Variants in AK5 observed in about 807,000 individuals in gnomAD.
The protein encoded by AK5 is adenylate kinase isoenzyme 5.
In AK5, 27 loss-of-function variants were observed where a neutral mutation model predicts 69.5. That is an observed-to-expected ratio of 0.39 (90% CI 0.29 to 0.54). The LOEUF is 0.54. Ranked by LOEUF, AK5 falls within the 20% of genes least tolerant of loss-of-function variation. The pLI, the probability that AK5 is intolerant of heterozygous loss-of-function variation, is 0.71. For synonymous variants in AK5, 260 were observed against 244.4 expected, an observed-to-expected ratio of 1.06 and a Z score of -0.60; for missense variants, 531 against 700.4, an observed-to-expected ratio of 0.76 and a Z score of 2.73.
In AK5 at chr1:77,405,565, G is replaced by A. The variant is rs530528587; in HGVS notation, c.892-5416G>A. ...CTGCAGAGCCAGTACCTAGACCCCAGCAGACCAGACTTACAGAGGTGCTGG... is the reference window on the plus strand; with the variant it reads ...CTGCAGAGCCAGTACCTAGACCCCAACAGACCAGACTTACAGAGGTGCTGG... On this transcript the variant is annotated intron_variant, in intron 6 of 13. Coordinates refer to ENST00000354567, the MANE Select transcript of AK5 (RefSeq NM_174858.3). Among the ~76,000 whole-genome samples, 4 of 152,170 alleles carry A rather than the reference G, an allele frequency of 2.6e-5. 1 individual carries two copies. The highest frequency in any genetic ancestry group is 9.6e-5 in the African/African-American group (4 of 41,464).
intron 6 of AK5, among the ~76,000 whole-genome samples, chr1:77,404,089 G>A (rs538064996): frequency 5.3e-5 from 8 of 152,190 alleles, no homozygotes; most frequent in African/African-American, 1.7e-4. Context: ...TCATGATTTG[G>A]CTCTCTGTTT....
In AK5 at chr1:77,350,326, T is replaced by C. The variant is rs188791560; in HGVS notation, c.891+9758T>C. On this transcript the variant is annotated intron_variant, in intron 6 of 13. Transcript: ENST00000354567. Reference sequence around the variant, plus strand: ...GCAGGAAGGAGTTGGAACCCAGAAATAGGAAAGAAGGTCATGATAAGCAGA... The same window carrying C: ...GCAGGAAGGAGTTGGAACCCAGAAACAGGAAAGAAGGTCATGATAAGCAGA... 2.1e-4 allele frequency among the ~76,000 whole-genome samples: 32 copies of C among 151,902 alleles called. 2 individuals carry two copies. In the East Asian group the frequency reaches 3.9e-3, roughly 18 times the overall value.
At chr1:77,481,238 C>T (rs998157571) in intron 8 of AK5, among the ~76,000 whole-genome samples, 10 of 152,220 alleles carry the variant, frequency 6.6e-5, no homozygotes, top group African/African-American at 2.4e-4. Flanking sequence ...TGGCCATGGG[C>T]CCTTCGCATG....
chr1:77,539,493 T>C (rs1441318855), intron 13 of AK5, among the ~76,000 whole-genome samples: 1 of 152,096 alleles, frequency 6.6e-6, no homozygotes, highest in African/African-American at 2.4e-5. Flanking sequence ...GGCCATCCCC[T>C]ACCCACACAG....
chr1:77,481,790 C>T (rs1233380384), intron 8 of AK5, among the ~76,000 whole-genome samples: 2 of 152,152 alleles, frequency 1.3e-5, no homozygotes, highest in Non-Finnish European at 2.9e-5. Flanking sequence ...CATGCAGTCC[C>T]CTCTCTCGAA....
chr1:77,416,120 C>T (rs937695978), intron 7 of AK5, among the ~76,000 whole-genome samples: 14 of 151,914 alleles, frequency 9.2e-5, no homozygotes, highest in Admixed American at 6.6e-4. Flanking sequence ...GGCTTTACGA[C>T]GGCTGAGTAT....
At chr1:77,360,876 C>G (rs1268211843) in intron 6 of AK5, among the ~76,000 whole-genome samples, 1 of 152,166 alleles carries the variant, frequency 6.6e-6, no homozygotes, top group African/African-American at 2.4e-5. Flanking sequence ...GATAAACTCC[C>G]TGCCTTTTAG....
intron 6 of AK5, among the ~76,000 whole-genome samples, chr1:77,350,290 A>G (rs1443804080): frequency 6.6e-6 from 1 of 152,186 alleles, no homozygotes; most frequent in Admixed American, 6.5e-5. Flanking sequence ...GGAAACATTG[A>G]CCCTTGAGAG....
Position 77,340,485 on chromosome 1 carries a change from G to A in AK5, c.808G>A (p.Ala270Thr). The change falls in exon 6 of 14, where the codon GCT (alanine) becomes ACT (threonine). Residue 270 changes from alanine (A) to threonine (T), a missense_variant. Ala to Thr is a moderately conservative substitution (Grantham distance 58). Coordinates refer to ENST00000354567, the MANE Select transcript of AK5 (RefSeq NM_174858.3). ...GGGCCGACCAGACGACAATGTAAAAGCTACCCAAAGGAGACTAATGAACTT... is the reference window on the plus strand; with the variant it reads ...GGGCCGACCAGACGACAATGTAAAAACTACCCAAAGGAGACTAATGAACTT... ...QQGRPDDNVK[A>T]TQRRLMNFKQ... 6.2e-7 allele frequency: 1 copy of A among 1,614,130 alleles called. No individual in the cohort carries two copies. Among genetic ancestry groups the A allele is most frequent in the South Asian group, 1.1e-5 (1 of 91,084 alleles).
chr1:77,287,236 TG>T (rs113213379), intron 2 of AK5, 109 bp downstream of exon 2: 54,269 of 707,648 alleles, frequency 0.077, 2,627 homozygotes, highest in South Asian at 0.2. Flanking sequence ...TATAAATGCC[TG>T]AAGTCATTGG....
intron 6 of AK5, among the ~76,000 whole-genome samples, chr1:77,367,861 A>ATAAT (rs61607648): frequency 5.7e-4 from 2 of 3,536 alleles, no homozygotes; most frequent in Admixed American, 5.4e-3. Context: ...TATAATATAT[A>ATAAT]ATATATGTGA....
At chr1:77,433,392 T>C (rs2100616618) in intron 8 of AK5, among the ~76,000 whole-genome samples, 1 of 152,154 alleles carries the variant, frequency 6.6e-6, no homozygotes, top group African/African-American at 2.4e-5. Context: ...GATTTGACCA[T>C]ACGGTAATCT....
chr1:77,468,303 A>G (rs747589341), intron 8 of AK5, among the ~76,000 whole-genome samples: 31 of 152,258 alleles, frequency 2.0e-4, no homozygotes, highest in Admixed American at 5.9e-4. Flanking sequence ...GCTAGCCCAT[A>G]TGGTACTTTT....
intron 8 of AK5, among the ~76,000 whole-genome samples, chr1:77,455,813 A>C (rs1050312029): frequency 2.0e-5 from 3 of 152,102 alleles, no homozygotes; most frequent in African/African-American, 7.2e-5. Context: ...AGGCTGAGCA[A>C]AGTTAGGTTT....
rs1654820476 is a variant in AK5 at position 77,475,390 on chromosome 1, ATATATATAATATATAT to A, written c.1060-7926_1060-7911del. ...ATACAAATATATATTATATATATGTATATATATAATATATATGTATATATATACTATATATTATATA... is the reference window on the plus strand; with the variant it reads ...ATACAAATATATATTATATATATGTAGTATATATATACTATATATTATATA... On this transcript the variant is annotated intron_variant, in intron 8 of 13. Transcript: ENST00000354567. 2.4e-4 allele frequency among the ~76,000 whole-genome samples: 2 copies of A among 8,410 alleles called. 1 individual carries two copies. 5.5% of individuals were successfully genotyped at this position (8,410 alleles called of 152,430 possible). A position where few individuals can be genotyped will look rare whatever the true frequency, so the allele number is the denominator to read the frequency against.
At chr1:77,470,816 G>A (rs1402755385) in intron 8 of AK5, among the ~76,000 whole-genome samples, 1 of 115,714 alleles carries the variant, frequency 8.6e-6, no homozygotes, top group African/African-American at 3.4e-5. Context: ...CATTTTAATG[G>A]CACATTTAGA....
At chr1:77,507,246 A>G (rs1657081123) in intron 10 of AK5, among the ~76,000 whole-genome samples, 1 of 152,184 alleles carries the variant, frequency 6.6e-6, no homozygotes, top group Non-Finnish European at 1.5e-5. Context: ...TGCATTTCCC[A>G]AAGGAGGTCT....
chr1:77,557,670 A>C (rs1346480403), intron 13 of AK5, among the ~76,000 whole-genome samples: 1 of 151,720 alleles, frequency 6.6e-6, no homozygotes, highest in Admixed American at 6.6e-5. Context: ...CTCATCCCTC[A>C]ATCTCTCCCC....
chr1:77,420,706 C>T (rs890259156), intron 8 of AK5, among the ~76,000 whole-genome samples: 19 of 152,226 alleles, frequency 1.2e-4, no homozygotes, highest in Admixed American at 4.6e-4. Context: ...ATCTATTCTC[C>T]ACTTTCCCCA....
Sources: gnomAD v4.1 joint callset for allele counts (sites outside exome capture counted in the v4.1 genomes callset) on GRCh38, gnomAD v4.1.1 for gene constraint, MANE v1.5 for transcripts, NCBI Gene and HGNC (gene_info 2026-07-23, HGNC 2026-07-21) for gene names.